Variants in HMGCLL1 observed in about 807,000 individuals in gnomAD.
HMGCLL1 encodes the protein 3-hydroxymethyl-3-methylglutaryl-CoA lyase, cytoplasmic.
A neutral mutation model predicts 39.1 loss-of-function variants in HMGCLL1; 36 were observed. The ratio of observed to expected loss-of-function variants is 0.92; its 90% CI spans 0.71 to 1.22. The LOEUF (loss-of-function observed/expected upper bound fraction) is 1.22, where lower values mean the gene tolerates loss of function less well. Among genes scored for constraint, HMGCLL1 ranks in the 50% most tolerant of loss-of-function variants. The pLI is 0.00. For synonymous variants in HMGCLL1, 149 were observed against 144.0 expected, an observed-to-expected ratio of 1.03 and a Z score of -0.25; for missense variants, 451 against 416.5, an observed-to-expected ratio of 1.08 and a Z score of -0.72.
At chr6:55,498,764 A>T (rs1351572841) in intron 6 of HMGCLL1, among the ~76,000 whole-genome samples, 1 of 152,154 alleles carries the variant, frequency 6.6e-6, no homozygotes, top group Non-Finnish European at 1.5e-5. Context: ...ACAGCAACTT[A>T]ATCACAGCAG....
intron 3 of HMGCLL1, among the ~76,000 whole-genome samples, chr6:55,536,936 G>GA (rs1286617772): frequency 6.6e-6 from 1 of 151,906 alleles, no homozygotes; most frequent in African/African-American, 2.4e-5. Flanking sequence ...TACATTTGAG[G>GA]AAAAAAATAT....
At chr6:55,436,832 G>A (rs1245295717) in intron 8 of HMGCLL1, among the ~76,000 whole-genome samples, 1 of 151,940 alleles carries the variant, frequency 6.6e-6, no homozygotes, top group Non-Finnish European at 1.5e-5. Flanking sequence ...AGTGATACTT[G>A]TAAATTATTT....
At chr6:55,664,546 G>A in the HMGCLL1 span, among the ~76,000 whole-genome samples, 47,286 of 151,482 alleles carry the variant, frequency 0.31, 7,534 homozygotes, top group East Asian at 0.41. Context: ...AATCCTATTT[G>A]TATTTTTAAA....
At chr6:55,555,118 G>A (rs1023694118) in intron 1 of HMGCLL1, among the ~76,000 whole-genome samples, 1 of 152,066 alleles carries the variant, frequency 6.6e-6, no homozygotes, top group Non-Finnish European at 1.5e-5. Context: ...CATGGCCCTG[G>A]AGGCCCCATG....
At chr6:55,625,693 A>G in the HMGCLL1 span, among the ~76,000 whole-genome samples, 1 of 152,132 alleles carries the variant, frequency 6.6e-6, no homozygotes, top group Non-Finnish European at 1.5e-5. Context: ...TTGCAATTAT[A>G]TACTGATTCA....
chr6:55,463,598 A>G (rs1376320321), intron 7 of HMGCLL1, among the ~76,000 whole-genome samples: 2 of 152,202 alleles, frequency 1.3e-5, no homozygotes, highest in Admixed American at 6.5e-5. Flanking sequence ...TAATACAAAT[A>G]TAACATTTTT....
intron 3 of HMGCLL1, among the ~76,000 whole-genome samples, chr6:55,539,799 G>A (rs368907391): frequency 6.2e-5 from 9 of 145,752 alleles, no homozygotes; most frequent in East Asian, 4.1e-4. Flanking sequence ...ACAAAATCCC[G>A]TGACAGATGT....
At chr6:55,541,415 G>C (rs1029882277) in intron 3 of HMGCLL1, among the ~76,000 whole-genome samples, 9 of 152,062 alleles carry the variant, frequency 5.9e-5, no homozygotes, top group African/African-American at 2.2e-4. Flanking sequence ...TAATGCATTT[G>C]GAGATGTTCA....
intron 7 of HMGCLL1, among the ~76,000 whole-genome samples, chr6:55,492,374 T>C (rs1223805957): frequency 6.6e-6 from 1 of 152,176 alleles, no homozygotes; most frequent in African/African-American, 2.4e-5. Flanking sequence ...GTTTTTGTTG[T>C]TGTTGGAAGA....
rs780937420 is a variant in HMGCLL1 at position 55,477,929 on chromosome 6, A to C, written c.795+17490T>G. Among the ~76,000 whole-genome samples the C allele has an allele frequency of 5.3e-5, 8 of 151,074 alleles. 1 individual carries two copies. Among genetic ancestry groups the C allele is most frequent in the African/African-American group, 2.0e-4 (8 of 40,844 alleles). Reference sequence around the variant, plus strand: ...AGGAATATATTACTTGTAAAAATCAAACAGAGTCGATTCTGTATTTTAACA... The same window carrying C: ...AGGAATATATTACTTGTAAAAATCACACAGAGTCGATTCTGTATTTTAACA... On this transcript the variant is annotated intron_variant, in intron 7 of 8. Coordinates refer to ENST00000274901, the MANE Select transcript of HMGCLL1 (RefSeq NM_001042406.2).
chr6:55,581,473 T>C (rs1044601740), upstream of HMGCLL1, among the ~76,000 whole-genome samples: 1 of 152,140 alleles, frequency 6.6e-6, no homozygotes, highest in Non-Finnish European at 1.5e-5. Context: ...ATTTTACTGG[T>C]AAGTAAAGTT....
intron 7 of HMGCLL1, among the ~76,000 whole-genome samples, chr6:55,453,830 A>G (rs997269184): frequency 1.9e-4 from 29 of 152,222 alleles, no homozygotes; most frequent in Non-Finnish European, 7.3e-5. Context: ...TGTCTAAATG[A>G]ATGAGGAATG....
chr6:55,569,437 T>C lies in HMGCLL1; in HGVS notation c.108+9511A>G, dbSNP rs151146763. On this transcript the variant is annotated intron_variant, in intron 1 of 8. Coordinates refer to ENST00000274901, the MANE Select transcript of HMGCLL1 (RefSeq NM_001042406.2). ...ATTTCCTCTATATTTAATAAACAAT[T>C]TAGGTGACTCTTATCACAAGAAAAG... Among the ~76,000 whole-genome samples the C allele has an allele frequency of 3.1e-3, 466 of 152,260 alleles. 4 individuals carry two copies. Among genetic ancestry groups the C allele is most frequent in the African/African-American group, 0.011 (438 of 41,556 alleles).
At chr6:55,633,383 TCAGGAGA>T in the HMGCLL1 span, among the ~76,000 whole-genome samples, 15 of 151,812 alleles carry the variant, frequency 9.9e-5, no homozygotes, top group African/African-American at 3.4e-4. Flanking sequence ...TAGAGTAGCC[TCAGGAGA>T]AATAGGCAGA....
the HMGCLL1 span, among the ~76,000 whole-genome samples, chr6:55,613,913 A>G: frequency 6.7e-6 from 1 of 149,964 alleles, no homozygotes; most frequent in Non-Finnish European, 1.5e-5. Context: ...CATTCTACAC[A>G]TGTATCCCAG....
chr6:55,492,941 T>A (rs1766388650), intron 7 of HMGCLL1, among the ~76,000 whole-genome samples: 1 of 151,858 alleles, frequency 6.6e-6, no homozygotes, highest in African/African-American at 2.4e-5. Flanking sequence ...CACTGAGGGG[T>A]ACAGTATCGA....
the HMGCLL1 span, among the ~76,000 whole-genome samples, chr6:55,657,525 A>G: frequency 6.6e-6 from 1 of 151,662 alleles, no homozygotes; most frequent in East Asian, 1.9e-4. Context: ...TGAATTCTCT[A>G]TTTTGTTCCA....
the HMGCLL1 span, among the ~76,000 whole-genome samples, chr6:55,650,885 T>G: frequency 6.6e-6 from 1 of 151,832 alleles, no homozygotes; most frequent in African/African-American, 2.4e-5. Flanking sequence ...CAAAGGCTCT[T>G]CTGTCAGCTT....
chr6:55,543,210 ATATAT>A (rs1238510996), intron 1 of HMGCLL1, among the ~76,000 whole-genome samples: 13 of 16,178 alleles, frequency 8.0e-4, no homozygotes, highest in Admixed American at 3.0e-3. Flanking sequence ...ATTATATATT[ATATAT>A]TATATAATAT....
Sources: allele counts gnomAD v4.1 joint callset (sites outside exome capture counted in the v4.1 genomes callset), GRCh38; gene constraint gnomAD v4.1.1; transcripts MANE v1.5; gene names NCBI Gene and HGNC (gene_info 2026-07-23, HGNC 2026-07-21).